SGO1: variants seen among roughly 807,000 people sequenced by gnomAD.
SGO1 encodes serologically defined breast cancer antigen NY-BR-85.
Under a neutral mutation model 50.5 loss-of-function variants are expected in SGO1, and 39 were observed. The ratio of observed to expected loss-of-function variants is 0.77; its 90% CI spans 0.60 to 1.01. The LOEUF (loss-of-function observed/expected upper bound fraction) is 1.01, where lower values mean the gene tolerates loss of function less well. Among genes scored for constraint, SGO1 ranks in the 50% least tolerant of loss-of-function variants. The pLI is 0.00. For missense variants in SGO1, 638 were observed against 606.0 expected (o/e 1.05, Z -0.55); for synonymous variants, 191 against 205.1 (o/e 0.93, Z 0.59).
At chr3:20,178,209 A>G (rs1426366756) in intron 4 of SGO1, 62 bp downstream of exon 4, 3 of 1,183,910 alleles carry the variant, frequency 2.5e-6, no homozygotes, top group African/African-American at 3.0e-5. Context: ...CCTTTCATAA[A>G]TGAATCACAG....
At position 20,174,646 on chromosome 3, in the gene SGO1, T is replaced by C. The variant is rs184464880; in HGVS notation, c.885A>G (p.Lys295=). Residue 295 remains lysine (K), a synonymous_variant, in exon 6 of 8, where the codon AAA becomes AAG. Coordinates refer to ENST00000412997, the MANE Select transcript of SGO1 (RefSeq NM_001199251.3). ...TTGATTTTCTCCTGTTAGCTTTTCT[T>C]TTCTCTTCTCTTTTTCTTTCTTGTG... ...RDTQERKREE[K]RKANRRKSKR... 3 of 1,603,650 alleles carry C rather than the reference T, an allele frequency of 1.9e-6. No homozygotes were observed. In the Admixed American group the frequency reaches 5.1e-5, roughly 28 times the overall value.
Position 20,183,930 on chromosome 3 carries a change from A to G in SGO1, c.98T>C (p.Ile33Thr), listed in dbSNP as rs900049349. ...KEKRNKNLAE[I>T]GKRRSFIAAP... ...AGCTATAAAAGACCTGCGTTTGCCAATCTCTGCCAAGTTTTTATTCCTTTT... is the reference window on the plus strand; with the variant it reads ...AGCTATAAAAGACCTGCGTTTGCCAGTCTCTGCCAAGTTTTTATTCCTTTT... The change falls in exon 2 of 8, where the codon ATT (isoleucine) becomes ACT (threonine). Residue 33 changes from isoleucine to threonine, a missense_variant. By Grantham distance (89) the Ile-to-Thr change is moderately conservative (BLOSUM62 -1). Coordinates refer to ENST00000412997, the MANE Select transcript of SGO1 (RefSeq NM_001199251.3). 1.2e-6 allele frequency: 2 copies of G among 1,612,712 alleles called. No homozygotes were observed. Among genetic ancestry groups the G allele is most frequent in the Non-Finnish European group, 1.7e-6 (2 of 1,179,688 alleles).
At chr3:20,182,355 C>T (rs1048618031) in intron 3 of SGO1, among the ~76,000 whole-genome samples, 18 of 152,082 alleles carry the variant, frequency 1.2e-4, no homozygotes, top group Admixed American at 1.2e-3. Context: ...CATATCCCTC[C>T]CCTAATCACA....
chr3:20,166,700 C>G (rs1031729717), downstream of SGO1, among the ~76,000 whole-genome samples: 2 of 151,882 alleles, frequency 1.3e-5, no homozygotes, highest in Admixed American at 6.6e-5. Flanking sequence ...TGCTACTGAA[C>G]TTTACAAATA....
chr3:20,183,094 C>T (rs1249721554), intron 3 of SGO1, among the ~76,000 whole-genome samples: 2 of 152,116 alleles, frequency 1.3e-5, no homozygotes, highest in East Asian at 3.8e-4. Context: ...TCTACTTAGC[C>T]AACAAGTAGG....
At chr3:20,173,161 C>T (rs1273785300) in intron 6 of SGO1, among the ~76,000 whole-genome samples, 2 of 149,146 alleles carry the variant, frequency 1.3e-5, no homozygotes, top group African/African-American at 4.9e-5. Flanking sequence ...GACTGAGTTT[C>T]GCTCTTGTTG....
chr3:20,178,736 G>A (rs1701677382), intron 3 of SGO1, among the ~76,000 whole-genome samples: 1 of 152,152 alleles, frequency 6.6e-6, no homozygotes. Context: ...AGTGGAAACA[G>A]CAAATACACA....
chr3:20,174,138 T>C (rs1701085285), intron 6 of SGO1, 111 bp downstream of exon 6: 1 of 860,560 alleles, frequency 1.2e-6, no homozygotes. Context: ...AGACAGATGG[T>C]AAGTCTCCAA....
chr3:20,174,909 A>C lies in SGO1; in HGVS notation c.622T>G (p.Leu208Val). 1.2e-6 allele frequency: 2 copies of C among 1,614,084 alleles called. No homozygotes were observed. The highest frequency in any genetic ancestry group is 1.7e-6 in the Non-Finnish European group (2 of 1,179,980). The change falls in exon 6 of 8, where the codon TTG (leucine) becomes GTG (valine). Residue 208 changes from leucine to valine, a missense_variant. By Grantham distance (32) the Leu-to-Val change is conservative (BLOSUM62 1). Transcript: ENST00000412997. ...HCNSICQFDS[L>V]DDFETSHLAG... ...AAATGACTGGTTTCAAAATCATCCAAGCTATCAAACTGACATATACTGTTA... is the reference window on the plus strand; with the variant it reads ...AAATGACTGGTTTCAAAATCATCCACGCTATCAAACTGACATATACTGTTA...
chr3:20,180,485 C>T (rs1221235043), intron 3 of SGO1, among the ~76,000 whole-genome samples: 1 of 151,920 alleles, frequency 6.6e-6, no homozygotes, highest in Non-Finnish European at 1.5e-5. Flanking sequence ...CTGAAATGAT[C>T]CAGTGGAGAG....
At chr3:20,169,333 G>C, downstream of SGO1, 1 of 983,112 alleles carries the variant, frequency 1.0e-6, no homozygotes, top group Non-Finnish European at 1.2e-6. Context: ...AATGACTACT[G>C]AAAATACTAA....
At position 20,183,918 on chromosome 3, in the gene SGO1, C is replaced by A; in HGVS notation, c.110G>T (p.Arg37Met). The A allele has an allele frequency of 6.2e-7, 1 of 1,612,438 alleles. No homozygotes were observed. The highest frequency in any genetic ancestry group is 8.5e-7 in the Non-Finnish European group (1 of 1,179,620). ...TTGGCATGGTGCAGCTATAAAAGAC[C>A]TGCGTTTGCCAATCTCTGCCAAGTT... ...NKNLAEIGKR[R>M]SFIAAPCQII... Residue 37 changes from arginine to methionine, a missense_variant, in exon 2 of 8, where the codon AGG becomes ATG. Coordinates refer to ENST00000412997, the MANE Select transcript of SGO1 (RefSeq NM_001199251.3).
downstream of SGO1, among the ~76,000 whole-genome samples, chr3:20,164,486 T>C (rs896790844): frequency 2.6e-5 from 4 of 152,194 alleles, no homozygotes; most frequent in East Asian, 7.7e-4. Flanking sequence ...ATCACAGTAA[T>C]GCCCTAGGAC....
exon 9 of SGO1, chr3:20,160,989 G>T: frequency 2.0e-6 from 3 of 1,480,460 alleles, no homozygotes; most frequent in Non-Finnish European, 2.8e-6. Context: ...GAAACAGACT[G>T]TCAACACCCC....
intron 5 of SGO1, among the ~76,000 whole-genome samples, chr3:20,175,534 C>T (rs1301746016): frequency 1.3e-5 from 2 of 152,112 alleles, no homozygotes; most frequent in Admixed American, 6.5e-5. Context: ...CGGTGGCTTA[C>T]GCTTGTAATC....
intron 6 of SGO1, 30 bp from the exon 7 acceptor site, chr3:20,171,262 T>TAA (rs369158870): frequency 4.2e-5 from 52 of 1,249,322 alleles, no homozygotes; most frequent in South Asian, 1.0e-4. Context: ...GAATATGATT[T>TAA]AAAAAAAAAA....
At chr3:20,182,761 G>T (rs951710646) in intron 3 of SGO1, among the ~76,000 whole-genome samples, 2 of 152,160 alleles carry the variant, frequency 1.3e-5, no homozygotes. Context: ...GCTCACACCT[G>T]TAATCCCAGC....
chr3:20,172,721 A>G (rs1238665844), intron 6 of SGO1, among the ~76,000 whole-genome samples: 4 of 150,486 alleles, frequency 2.7e-5, no homozygotes, highest in African/African-American at 9.8e-5. Flanking sequence ...AGGCCAAGGC[A>G]GGAGGACTGC....
chr3:20,169,464 A>C (rs1334068672), downstream of SGO1: 5 of 981,934 alleles, frequency 5.1e-6, no homozygotes, highest in African/African-American at 5.3e-5. Flanking sequence ...ATATTTAAAG[A>C]ATAGAAGGAA....
Sources: gnomAD v4.1 joint callset for allele counts (sites outside exome capture counted in the v4.1 genomes callset) on GRCh38, gnomAD v4.1.1 for gene constraint, MANE v1.5 for transcripts, NCBI Gene and HGNC (gene_info 2026-07-23, HGNC 2026-07-21) for gene names.